CCDC171: variants seen among roughly 807,000 people sequenced by gnomAD.
The protein encoded by CCDC171 is coiled-coil domain containing 171, also known as coiled-coil domain-containing protein 171.
A neutral mutation model predicts 168.2 loss-of-function variants in CCDC171; 177 were observed. The observed-to-expected ratio is 1.05, with a 90% confidence interval of 0.93 to 1.19. CCDC171 has a LOEUF of 1.19. Ranked by LOEUF, CCDC171 falls within the 50% of genes most tolerant of loss-of-function variation. CCDC171 has a pLI of 0.00. For missense variants in CCDC171, 1,991 were observed against 1,539.0 expected (o/e 1.29, Z -4.91); for synonymous variants, 687 against 540.8 (o/e 1.27, Z -3.75).
intron 9 of CCDC171, among the ~76,000 whole-genome samples, chr9:15,677,712 A>G (rs1491000641): frequency 6.7e-6 from 1 of 150,228 alleles, no homozygotes; most frequent in Non-Finnish European, 1.5e-5. Flanking sequence ...CCTGAACAAT[A>G]TACATATATA....
intron 23 of CCDC171, among the ~76,000 whole-genome samples, chr9:15,862,493 T>C (rs990552857): frequency 6.6e-6 from 1 of 152,088 alleles, no homozygotes; most frequent in Non-Finnish European, 1.5e-5. Flanking sequence ...GTATTTTGAA[T>C]TCTCTTTCAG....
At chr9:15,866,058 C>T (rs893325938) in intron 23 of CCDC171, among the ~76,000 whole-genome samples, 3 of 151,780 alleles carry the variant, frequency 2.0e-5, no homozygotes, top group African/African-American at 7.3e-5. Context: ...GCATGAATGA[C>T]TAAATATTCT....
At chr9:15,613,439 A>G (rs1328041123) in intron 6 of CCDC171, among the ~76,000 whole-genome samples, 1 of 152,240 alleles carries the variant, frequency 6.6e-6, no homozygotes, top group Non-Finnish European at 1.5e-5. Context: ...CTCATATTAA[A>G]CATTGAAATA....
At chr9:15,582,905 C>T (rs1430967455) in intron 4 of CCDC171, among the ~76,000 whole-genome samples, 1 of 146,644 alleles carries the variant, frequency 6.8e-6, no homozygotes, top group Non-Finnish European at 1.5e-5. Flanking sequence ...ACATTCTGCA[C>T]ATGTATCTCG....
chr9:15,653,698 A>G (rs1564145068), intron 7 of CCDC171, among the ~76,000 whole-genome samples: 1 of 152,164 alleles, frequency 6.6e-6, no homozygotes, highest in Non-Finnish European at 1.5e-5. Flanking sequence ...ATATCTAGAC[A>G]TTATATAGTT....
intron 21 of CCDC171, among the ~76,000 whole-genome samples, chr9:15,836,221 A>G (rs2060442118): frequency 6.6e-6 from 1 of 152,184 alleles, no homozygotes; most frequent in Non-Finnish European, 1.5e-5. Context: ...TGACTTTACA[A>G]CCACAAGTGA....
At chr9:15,807,414 T>C (rs1361348410) in intron 21 of CCDC171, among the ~76,000 whole-genome samples, 3 of 152,194 alleles carry the variant, frequency 2.0e-5, no homozygotes, top group Non-Finnish European at 4.4e-5. Context: ...TAAGCAGTTA[T>C]TTGTTGTTTA....
intron 3 of CCDC171, among the ~76,000 whole-genome samples, chr9:15,576,085 C>G (rs2040630671): frequency 8.7e-6 from 1 of 114,330 alleles, no homozygotes; most frequent in Non-Finnish European, 1.8e-5. Flanking sequence ...GAGCGAGACT[C>G]TGTCTCAAAA....
chr9:15,649,344 A>G (rs2047312557), intron 7 of CCDC171, among the ~76,000 whole-genome samples: 1 of 152,232 alleles, frequency 6.6e-6, no homozygotes, highest in African/African-American at 2.4e-5. Context: ...ATGGGCAAGG[A>G]CTTCATGACT....
the CCDC171 span, among the ~76,000 whole-genome samples, chr9:16,093,092 C>T: frequency 1.3e-5 from 2 of 152,176 alleles, no homozygotes; most frequent in Non-Finnish European, 1.5e-5. Flanking sequence ...AAACAAACCA[C>T]GGGAACCAGA....
chr9:15,635,642 A>G (rs1299713098), intron 7 of CCDC171, among the ~76,000 whole-genome samples: 2 of 152,194 alleles, frequency 1.3e-5, no homozygotes, highest in South Asian at 2.1e-4. Flanking sequence ...ACCCTCACAG[A>G]CACACCTAGG....
At chr9:15,950,391 A>T (rs1379489491) in intron 25 of CCDC171, among the ~76,000 whole-genome samples, 3 of 152,186 alleles carry the variant, frequency 2.0e-5, no homozygotes, top group Admixed American at 6.6e-5. Context: ...CGGGTTACCC[A>T]CAAGAGAAGC....
chr9:15,744,746 A>G lies in CCDC171; in HGVS notation c.2523A>G (p.Thr841=), dbSNP rs878911320. ...FKEGIGMLVC[T]GEPQDKHKFP... ...AAGGCATAGGCATGTTAGTGTGCAC[A>G]GGAGAGCCCCAAGACAAGCATAAAT... Residue 841 remains threonine (T), a synonymous_variant, in exon 17 of 26, where the codon ACA becomes ACG. Transcript: ENST00000380701. 4 of 1,612,916 alleles carry G rather than the reference A, an allele frequency of 2.5e-6. No individual in the cohort carries two copies. The highest frequency in any genetic ancestry group is 3.4e-6 in the Non-Finnish European group (4 of 1,179,532).
At chr9:15,940,236 A>G (rs1328865433) in intron 25 of CCDC171, among the ~76,000 whole-genome samples, 1 of 151,988 alleles carries the variant, frequency 6.6e-6, no homozygotes, top group Non-Finnish European at 1.5e-5. Context: ...TATAAACTTA[A>G]TGAATAAAGA....
chr9:16,076,960 T>G, the CCDC171 span, among the ~76,000 whole-genome samples: 1 of 152,232 alleles, frequency 6.6e-6, no homozygotes, highest in Non-Finnish European at 1.5e-5. Flanking sequence ...GCTTGGATAT[T>G]TGGATAATCG....
intron 24 of CCDC171, among the ~76,000 whole-genome samples, chr9:15,893,053 A>G (rs1302478963): frequency 1.3e-5 from 2 of 152,192 alleles, no homozygotes; most frequent in African/African-American, 2.4e-5. Flanking sequence ...AGGCTACAGT[A>G]ATCAAAACAG....
At chr9:15,631,328 G>C (rs1022331838) in intron 7 of CCDC171, among the ~76,000 whole-genome samples, 2 of 151,984 alleles carry the variant, frequency 1.3e-5, no homozygotes, top group African/African-American at 4.8e-5. Flanking sequence ...AAGAAAAAAT[G>C]ATAAAGGGGA....
chr9:15,691,671 A>G (rs1453126623), intron 10 of CCDC171, among the ~76,000 whole-genome samples: 1 of 150,618 alleles, frequency 6.6e-6, no homozygotes, highest in African/African-American at 2.4e-5. Context: ...TTTATGTTGT[A>G]TTGTATTTAC....
intron 12 of CCDC171, among the ~76,000 whole-genome samples, chr9:15,722,494 G>T (rs1399929726): frequency 6.6e-6 from 1 of 152,180 alleles, no homozygotes; most frequent in Non-Finnish European, 1.5e-5. Context: ...AATGTTTTAT[G>T]AATTTGTGCT....
Sources: allele counts gnomAD v4.1 joint callset (sites outside exome capture counted in the v4.1 genomes callset), GRCh38; gene constraint gnomAD v4.1.1; transcripts MANE v1.5; gene names NCBI Gene and HGNC (gene_info 2026-07-23, HGNC 2026-07-21).